Variants in PLA2G6 observed in about 807,000 individuals in gnomAD.
PLA2G6 encodes 85/88 kDa calcium-independent phospholipase A2.
In PLA2G6, 62 loss-of-function variants were observed where a neutral mutation model predicts 83.8. That is an observed-to-expected ratio of 0.74 (90% CI 0.60 to 0.91). The LOEUF (loss-of-function observed/expected upper bound fraction) is 0.91. PLA2G6 is among the 40% of genes least tolerant of loss of function. The probability of loss-of-function intolerance (pLI) is 0.00; values close to 1 mark genes in which losing one functional copy is unlikely to be tolerated. For missense variants in PLA2G6, 944 were observed against 1,102.0 expected (o/e 0.86, Z 2.03); for synonymous variants, 417 against 449.8 (o/e 0.93, Z 0.92).
chr22:38,155,865 A>C (rs2089757580), intron 2 of PLA2G6, among the ~76,000 whole-genome samples: 2 of 152,340 alleles, frequency 1.3e-5, no homozygotes, highest in South Asian at 4.1e-4. Context: ...TAAACTCTCC[A>C]ATCAAAAGAC....
chr22:38,164,746 C>G lies in PLA2G6; in HGVS notation c.209+4472G>C, dbSNP rs141020796. Among the ~76,000 whole-genome samples, 184 of 152,314 alleles carry G rather than the reference C, an allele frequency of 1.2e-3. 3 individuals carry two copies. The highest frequency in any genetic ancestry group is 1.9e-3 in the Non-Finnish European group (129 of 68,018). On this transcript the variant is annotated intron_variant, in intron 2 of 16. Transcript: ENST00000332509. Reference sequence around the variant, plus strand: ...GGAAGGCTAGCAGCCCATGCTCACTCTAACACGCGTCAAGTACTCAGGACA... The same window carrying G: ...GGAAGGCTAGCAGCCCATGCTCACTGTAACACGCGTCAAGTACTCAGGACA...
chr22:38,141,611 T>G (rs894000627), intron 4 of PLA2G6: 6 of 152,118 alleles, frequency 3.9e-5, no homozygotes, highest in Non-Finnish European at 5.9e-5. Context: ...ACACTGAACC[T>G]CAGTTTCTTC....
intron 2 of PLA2G6, among the ~76,000 whole-genome samples, chr22:38,155,700 A>C (rs58518707): frequency 0.07 from 10,721 of 152,326 alleles, 593 homozygotes; most frequent in East Asian, 0.31. Flanking sequence ...AAAAATAAAA[A>C]GCAAGAAATT....
intron 2 of PLA2G6, chr22:38,150,128 G>A (rs1040716608): frequency 2.0e-5 from 3 of 151,576 alleles, no homozygotes; most frequent in Admixed American, 6.6e-5. Context: ...CACCTTGTAG[G>A]GGTTTTAAAA....
chr22:38,120,478 AGGCAGGGCAGAGCC>A (rs11570742), intron 12 of PLA2G6, among the ~76,000 whole-genome samples: 57 of 150,914 alleles, frequency 3.8e-4, no homozygotes, highest in African/African-American at 9.9e-4. Context: ...GGGCAGAGCC[AGGCAGGGCAGAGCC>A]GGCAGGGCAG....
At chr22:38,120,459 G>GGCCGGGCAGGGCAGA in intron 12 of PLA2G6, among the ~76,000 whole-genome samples, 1 of 151,030 alleles carries the variant, frequency 6.6e-6, no homozygotes, top group African/African-American at 2.4e-5. Flanking sequence ...CCAGACCCCT[G>GGCCGGGCAGGGCAGA]GCCGGGCAGG....
At chr22:38,166,046 C>T (rs937191774) in intron 2 of PLA2G6, among the ~76,000 whole-genome samples, 10 of 152,088 alleles carry the variant, frequency 6.6e-5, no homozygotes, top group African/African-American at 2.4e-4. Flanking sequence ...GACACGTGCA[C>T]AATGACTGTG....
intron 1 of PLA2G6, among the ~76,000 whole-genome samples, chr22:38,175,249 GC>G (rs964727725): frequency 6.6e-6 from 1 of 152,160 alleles, no homozygotes; most frequent in African/African-American, 2.4e-5. Flanking sequence ...AGGCCCAGCT[GC>G]CCCCTCTGAA....
At chr22:38,174,039 C>G (rs1030025556) in intron 1 of PLA2G6, among the ~76,000 whole-genome samples, 2 of 150,902 alleles carry the variant, frequency 1.3e-5, no homozygotes, top group Admixed American at 1.3e-4. Context: ...GGAGACAGAG[C>G]AAGACCCTGC....
intron 2 of PLA2G6, chr22:38,146,697 A>G (rs1407188115): frequency 1.3e-5 from 2 of 152,080 alleles, no homozygotes; most frequent in Non-Finnish European, 2.9e-5. Context: ...TATATAAATT[A>G]TGGTATAACT....
chr22:38,120,026 G>A (rs937685662), intron 12 of PLA2G6, among the ~76,000 whole-genome samples: 7 of 152,136 alleles, frequency 4.6e-5, no homozygotes, highest in African/African-American at 7.2e-5. Flanking sequence ...AGGGAAGACC[G>A]CAGAGGGGAT....
intron 3 of PLA2G6, chr22:38,143,943 C>T: frequency 5.7e-6 from 1 of 174,218 alleles, no homozygotes; most frequent in Admixed American, 5.4e-5. Flanking sequence ...GGGGTTTCAC[C>T]ACGTTGGCCA....
rs1265504715 is a variant in PLA2G6, at chr22:38,126,431, T to G, written c.1367A>C (p.His456Pro). 2 of 1,613,458 alleles carry G rather than the reference T, an allele frequency of 1.2e-6. No homozygotes were observed. The highest frequency in any genetic ancestry group is 1.7e-6 in the Non-Finnish European group (2 of 1,179,812). The change falls in exon 10 of 17, where the codon CAC (histidine) becomes CCC (proline). Residue 456 changes from histidine to proline, a missense_variant. Physicochemically the swap from His to Pro is moderately conservative, Grantham distance 77. Coordinates refer to ENST00000332509, the MANE Select transcript of PLA2G6 (RefSeq NM_003560.4). Reference sequence around the variant, plus strand: ...CGCTGGCTTCCGGGCCCGTGAGATGTGCATGAGATCCTGTAGTTCTGTGAG... The same window carrying G: ...CGCTGGCTTCCGGGCCCGTGAGATGGGCATGAGATCCTGTAGTTCTGTGAG... ...LNNLELQDLM[H>P]ISRARKPAFI...
At chr22:38,120,344 T>G (rs2087450426) in intron 12 of PLA2G6, among the ~76,000 whole-genome samples, 1 of 152,228 alleles carries the variant, frequency 6.6e-6, no homozygotes, top group Non-Finnish European at 1.5e-5. Context: ...TGTTTAGCCG[T>G]GTCATTTGAA....
intron 2 of PLA2G6, among the ~76,000 whole-genome samples, chr22:38,168,243 G>T (rs1333380756): frequency 6.6e-6 from 1 of 152,230 alleles, no homozygotes; most frequent in Non-Finnish European, 1.5e-5. Context: ...CACTGGAGGT[G>T]CTTGGTGCAT....
At position 38,143,181 on chromosome 22, in the gene PLA2G6, T is replaced by C. The variant is rs775728294; in HGVS notation, c.533A>G (p.Gln178Arg). ...LVELVQYCHT[Q>R]MDVTDYKGET... ...TCCCTTGTAGTCGGTGACATCCATC[T>C]GAGTGTGGCAGTACTGCACCAGCTC... Residue 178 changes from glutamine to arginine, a missense_variant, in exon 4 of 17, where the codon CAG (glutamine) becomes CGG (arginine). Coordinates refer to ENST00000332509, the MANE Select transcript of PLA2G6 (RefSeq NM_003560.4). 2.1e-5 allele frequency: 34 copies of C among 1,614,202 alleles called. No homozygotes were observed. In the East Asian group the frequency reaches 6.9e-4, roughly 33 times the overall value.
intron 15 of PLA2G6, 47 bp from the exon 16 acceptor site, chr22:38,112,624 G>T: frequency 6.7e-7 from 1 of 1,483,772 alleles, no homozygotes; most frequent in Non-Finnish European, 9.2e-7. Context: ...ACCCCGCCCG[G>T]CCCGCACCCC....
chr22:38,144,190 C>T (rs1356023328), intron 3 of PLA2G6: 1 of 152,528 alleles, frequency 6.6e-6, no homozygotes, highest in Non-Finnish European at 1.5e-5. Context: ...GGGGCAACAG[C>T]TGCTCCATCT....
rs2087866020 is a variant in PLA2G6 at position 38,126,455 on chromosome 22, A to G, written c.1349-6T>C. On this transcript the variant is annotated splice_region_variant and splice_polypyrimidine_tract_variant and intron_variant, in intron 9 of 16. Transcript: ENST00000332509. ...GTGCATGAGATCCTGTAGTTCTGTG[A>G]GGCACAGAGCAGGGCATGCTGTGGT... 1 of 1,609,940 alleles carries G rather than the reference A, an allele frequency of 6.2e-7. No individual in the cohort carries two copies. Among genetic ancestry groups the G allele is most frequent in the African/African-American group, 1.3e-5 (1 of 74,800 alleles).
Sources: allele counts gnomAD v4.1 joint callset (sites outside exome capture counted in the v4.1 genomes callset), GRCh38; gene constraint gnomAD v4.1.1; transcripts MANE v1.5; gene names NCBI Gene and HGNC (gene_info 2026-07-23, HGNC 2026-07-21).